ALPK2: variants seen among roughly 807,000 people sequenced by gnomAD.
ALPK2 encodes alpha kinase 2.
In ALPK2, 127 loss-of-function variants were observed where a neutral mutation model predicts 163.1. That is an observed-to-expected ratio of 0.78 (90% CI 0.67 to 0.90). The LOEUF is 0.90. ALPK2 is among the 40% of genes least tolerant of loss of function. The pLI is 0.00. For missense variants in ALPK2, 2,360 were observed against 2,589.6 expected, an observed-to-expected ratio of 0.91 and a Z score of 1.92; for synonymous variants, 953 against 959.1, an observed-to-expected ratio of 0.99 and a Z score of 0.12.
rs546386451 is a variant in ALPK2 at position 58,541,738 on chromosome 18, A to G, written c.1963-3514T>C. On this transcript the variant is annotated intron_variant, in intron 4 of 12. Transcript: ENST00000361673. Reference sequence around the variant, plus strand: ...ACAACTGGCCCGCTGCTGATAAGCAATTCCATAAATTTGATTTTAACCAAT... The same window carrying G: ...ACAACTGGCCCGCTGCTGATAAGCAGTTCCATAAATTTGATTTTAACCAAT... 3.9e-5 allele frequency among the ~76,000 whole-genome samples: 6 copies of G among 152,338 alleles called. No homozygotes were observed. The South Asian group carries it at 1.0e-3, about 26-fold the overall frequency.
intron 12 of ALPK2, among the ~76,000 whole-genome samples, chr18:58,487,470 T>G: frequency 6.6e-6 from 1 of 152,214 alleles, no homozygotes; most frequent in East Asian, 1.9e-4. Context: ...AATCAATTTC[T>G]ATCACTGTGA....
intron 10 of ALPK2, among the ~76,000 whole-genome samples, chr18:58,513,183 TTG>T (rs1282512597): frequency 1.3e-5 from 2 of 150,278 alleles, no homozygotes; most frequent in Non-Finnish European, 3.0e-5. Context: ...GGGTGTGTGT[TTG>T]TGTTGTGGGT....
chr18:58,591,387 G>C (rs2052014153), intron 3 of ALPK2, among the ~76,000 whole-genome samples: 1 of 152,212 alleles, frequency 6.6e-6, no homozygotes, highest in Non-Finnish European at 1.5e-5. Context: ...CTATGTGGAT[G>C]ATAAAGATGT....
intron 3 of ALPK2, among the ~76,000 whole-genome samples, chr18:58,590,850 T>A (rs1178753126): frequency 6.6e-6 from 1 of 152,206 alleles, no homozygotes; most frequent in Non-Finnish European, 1.5e-5. Context: ...CTCAGAGCTG[T>A]GTCTCTCCCA....
At chr18:58,487,320 A>T (rs1437205929) in intron 12 of ALPK2, among the ~76,000 whole-genome samples, 1 of 152,204 alleles carries the variant, frequency 6.6e-6, no homozygotes, top group Non-Finnish European at 1.5e-5. Context: ...TGCGTCTATC[A>T]GTCAAGGAAC....
chr18:58,538,961 C>T lies in ALPK2; in HGVS notation c.1963-737G>A, dbSNP rs182385976. Among the ~76,000 whole-genome samples, 37 of 152,000 alleles carry T rather than the reference C, an allele frequency of 2.4e-4. 1 individual carries two copies. In the East Asian group the frequency reaches 3.7e-3, roughly 15 times the overall value. On this transcript the variant is annotated intron_variant, in intron 4 of 12. Transcript: ENST00000361673. ...ATGCCAGCTCCCCTCTGCCTCCCAT[C>T]GTGAGTTGGAAGCAGACTGAGGCCC...
intron 4 of ALPK2, among the ~76,000 whole-genome samples, chr18:58,551,719 A>G (rs1423040621): frequency 2.0e-5 from 3 of 152,166 alleles, no homozygotes; most frequent in Non-Finnish European, 2.9e-5. Flanking sequence ...GTGGCAGGAC[A>G]ATGATAGGGA....
chr18:58,548,360 A>G (rs57542883), intron 4 of ALPK2, among the ~76,000 whole-genome samples: 24,599 of 149,886 alleles, frequency 0.16, 2,409 homozygotes, highest in East Asian at 0.33. Context: ...GAGTCTCACT[A>G]TGTTGTCCAT....
intron 12 of ALPK2, among the ~76,000 whole-genome samples, chr18:58,497,339 G>T (rs79992530): frequency 0.012 from 1,896 of 152,318 alleles, 35 homozygotes; most frequent in African/African-American, 0.042. Flanking sequence ...AGGCGATGGT[G>T]GTTCCAACAC....
intron 12 of ALPK2, among the ~76,000 whole-genome samples, chr18:58,491,364 T>G (rs1011773646): frequency 2.6e-5 from 4 of 152,204 alleles, no homozygotes; most frequent in African/African-American, 9.7e-5. Flanking sequence ...GCCAAAAGAT[T>G]AGAAATTATG....
chr18:58,541,711 G>A (rs996340717), intron 4 of ALPK2, among the ~76,000 whole-genome samples: 5 of 152,184 alleles, frequency 3.3e-5, no homozygotes, highest in South Asian at 2.1e-4. Flanking sequence ...GCAACAAACC[G>A]TACAACTGGC....
chr18:58,482,187 A>G (rs1052089684), intron 12 of ALPK2, 148 bp from the exon 13 acceptor site: 12 of 641,216 alleles, frequency 1.9e-5, no homozygotes, highest in Admixed American at 1.4e-4. Flanking sequence ...GATAGACACA[A>G]CTATAAGTGA....
At chr18:58,538,915 C>G (rs1207131991) in intron 4 of ALPK2, among the ~76,000 whole-genome samples, 1 of 151,822 alleles carries the variant, frequency 6.6e-6, no homozygotes, top group East Asian at 1.9e-4. Flanking sequence ...TGCTTCCTCT[C>G]TGTCCATACT....
intron 4 of ALPK2, among the ~76,000 whole-genome samples, chr18:58,552,070 C>T (rs558757663): frequency 6.6e-6 from 1 of 152,236 alleles, no homozygotes; most frequent in African/African-American, 2.4e-5. Context: ...TGTGAAAGCA[C>T]TTGTTTTTAA....
At chr18:58,581,597 A>G (rs779189245) in intron 3 of ALPK2, among the ~76,000 whole-genome samples, 4 of 152,264 alleles carry the variant, frequency 2.6e-5, no homozygotes, top group African/African-American at 4.8e-5. Flanking sequence ...GCAGCCTGAC[A>G]TACTTTACTG....
At chr18:58,615,164 TG>T (rs954882269) in intron 1 of ALPK2, among the ~76,000 whole-genome samples, 7 of 152,320 alleles carry the variant, frequency 4.6e-5, no homozygotes, top group Middle Eastern at 6.8e-3. Context: ...ACAATGTTTT[TG>T]GGGTTTGACC....
chr18:58,620,028 C>T (rs566376627), intron 1 of ALPK2, among the ~76,000 whole-genome samples: 12 of 152,280 alleles, frequency 7.9e-5, no homozygotes, highest in East Asian at 3.9e-4. Context: ...CGGTGGCTCA[C>T]GCCTGTTATC....
chr18:58,611,362 T>C lies in ALPK2; in HGVS notation c.109+327A>G, dbSNP rs146976106. ...AAAAGTGATTCATGCCATTCCTCTG[T>C]GCTCCATGAATTTAAACTATGGTTA... is the stretch of plus-strand genomic sequence containing the variant. On this transcript the variant is annotated intron_variant, in intron 2 of 12. Coordinates refer to ENST00000361673, the MANE Select transcript of ALPK2 (RefSeq NM_052947.4). Among the ~76,000 whole-genome samples the C allele has an allele frequency of 4.0e-3, 609 of 151,772 alleles. 3 individuals carry two copies. Among genetic ancestry groups the C allele is most frequent in the African/African-American group, 0.014 (565 of 41,402 alleles).
intron 10 of ALPK2, chr18:58,512,120 G>C (rs2051493190): frequency 6.6e-6 from 1 of 152,292 alleles, no homozygotes; most frequent in African/African-American, 2.4e-5. Flanking sequence ...ACTTCTGCAG[G>C]ATCCAGGGCA....
Sources: allele counts gnomAD v4.1 joint callset (sites outside exome capture counted in the v4.1 genomes callset), GRCh38; gene constraint gnomAD v4.1.1; transcripts MANE v1.5; gene names NCBI Gene and HGNC (gene_info 2026-07-23, HGNC 2026-07-21).